Variants in NBAS observed in about 807,000 individuals in gnomAD.
NBAS encodes the protein NAG/BC035112 fusion.
In NBAS, 219 loss-of-function variants were observed where a neutral mutation model predicts 302.5. That is an observed-to-expected ratio of 0.72 (90% confidence interval 0.65 to 0.81). The LOEUF (loss-of-function observed/expected upper bound fraction) is 0.81. Ranked by LOEUF, NBAS falls within the 30% of genes least tolerant of loss-of-function variation. The pLI is 0.00. For missense variants in NBAS, 2,932 were observed against 2,841.6 expected, an observed-to-expected ratio of 1.03 and a Z score of -0.72; for synonymous variants, 1,118 against 1,021.6, an observed-to-expected ratio of 1.09 and a Z score of -1.80.
At chr2:15,185,460 T>A (rs982332351) in intron 50 of NBAS, among the ~76,000 whole-genome samples, 4 of 152,214 alleles carry the variant, frequency 2.6e-5, no homozygotes, top group Non-Finnish European at 5.9e-5. Flanking sequence ...GTGAATCTCA[T>A]GTTATTTACA....
At chr2:14,881,853 CTT>C in the NBAS span, among the ~76,000 whole-genome samples, 1 of 152,174 alleles carries the variant, frequency 6.6e-6, no homozygotes. Context: ...TTTGCCAACT[CTT>C]ATATCAGAGA....
the NBAS span, among the ~76,000 whole-genome samples, chr2:15,047,027 C>A: frequency 9.9e-5 from 15 of 152,272 alleles, 1 homozygote; most frequent in Middle Eastern, 6.8e-3. Context: ...AGTTTACACT[C>A]TAGGTTTCTG....
the NBAS span, among the ~76,000 whole-genome samples, chr2:14,789,905 C>A: frequency 6.6e-6 from 1 of 152,152 alleles, no homozygotes; most frequent in African/African-American, 2.4e-5. Context: ...AGAAACTGGA[C>A]CTAATGCGGG....
At chr2:15,113,367 T>C in the NBAS span, among the ~76,000 whole-genome samples, 2 of 67,986 alleles carry the variant, frequency 2.9e-5, no homozygotes, top group Admixed American at 1.9e-4. Flanking sequence ...GTGTGTATCC[T>C]AGCTCTATAC....
the NBAS span, among the ~76,000 whole-genome samples, chr2:15,027,189 T>C: frequency 7.9e-5 from 12 of 152,284 alleles, no homozygotes; most frequent in African/African-American, 2.6e-4. Context: ...TTTAGAGTGA[T>C]AGATAAGTGC....
At chr2:15,549,735 T>C (rs929385891) in intron 6 of NBAS, among the ~76,000 whole-genome samples, 1 of 151,638 alleles carries the variant, frequency 6.6e-6, no homozygotes, top group African/African-American at 2.4e-5. Context: ...CTCAAAAAAA[T>C]AAATAAATAA....
At chr2:15,129,671 T>C in the NBAS span, among the ~76,000 whole-genome samples, 2 of 152,198 alleles carry the variant, frequency 1.3e-5, no homozygotes, top group African/African-American at 4.8e-5. Flanking sequence ...AAACTCTTTT[T>C]TACCACCTGG....
the NBAS span, among the ~76,000 whole-genome samples, chr2:14,948,979 A>T: frequency 1.1e-4 from 17 of 152,290 alleles, no homozygotes; most frequent in African/African-American, 3.8e-4. Flanking sequence ...AGCACCAGAA[A>T]CATACAATGG....
chr2:15,290,590 G>A (rs1419880720), intron 41 of NBAS, among the ~76,000 whole-genome samples: 1 of 152,094 alleles, frequency 6.6e-6, no homozygotes, highest in East Asian at 1.9e-4. Flanking sequence ...ATTACCAAAC[G>A]TCCATAGCAA....
At chr2:15,415,993 A>G (rs1049112195) in intron 24 of NBAS, among the ~76,000 whole-genome samples, 1 of 152,146 alleles carries the variant, frequency 6.6e-6, no homozygotes, top group Non-Finnish European at 1.5e-5. Flanking sequence ...TGGGGTCCCA[A>G]GGAGCCTAAG....
chr2:15,198,166 T>C (rs994656112), intron 48 of NBAS, among the ~76,000 whole-genome samples: 25 of 152,192 alleles, frequency 1.6e-4, no homozygotes, highest in African/African-American at 5.8e-4. Context: ...GAAAAGGCCT[T>C]AGCTCTACAG....
chr2:15,552,953 C>T (rs777602019), intron 5 of NBAS, among the ~76,000 whole-genome samples: 6 of 152,038 alleles, frequency 3.9e-5, no homozygotes, highest in East Asian at 1.9e-4. Flanking sequence ...TACAGGTGTG[C>T]GCCACCATGC....
At chr2:14,994,025 T>C in the NBAS span, among the ~76,000 whole-genome samples, 1 of 152,112 alleles carries the variant, frequency 6.6e-6, no homozygotes, top group Non-Finnish European at 1.5e-5. Context: ...TTTTTAAAAA[T>C]TAGAATTTAT....
chr2:15,348,694 T>C (rs1044940309), intron 35 of NBAS, among the ~76,000 whole-genome samples: 1 of 151,168 alleles, frequency 6.6e-6, no homozygotes, highest in African/African-American at 2.4e-5. Flanking sequence ...ACTTCCTAAT[T>C]CATTTTAGGA....
the NBAS span, among the ~76,000 whole-genome samples, chr2:15,034,006 G>GAAC: frequency 3.7e-4 from 17 of 46,516 alleles, no homozygotes; most frequent in Non-Finnish European, 1.4e-4. Flanking sequence ...AGAAGAAGAA[G>GAAC]AAGAAGAAGA....
chr2:15,236,554 AAGAC>A (rs1667603157), intron 45 of NBAS, among the ~76,000 whole-genome samples: 1 of 149,710 alleles, frequency 6.7e-6, no homozygotes, highest in Admixed American at 6.6e-5. Context: ...AAAAAAAAAA[AAGAC>A]AATTCTTGTT....
chr2:15,212,810 C>T (rs1032879535), intron 48 of NBAS, among the ~76,000 whole-genome samples: 5 of 152,150 alleles, frequency 3.3e-5, no homozygotes, highest in African/African-American at 1.2e-4. Flanking sequence ...TGTTTGCTTC[C>T]CCTTCTGCCA....
the NBAS span, among the ~76,000 whole-genome samples, chr2:14,988,315 A>G: frequency 6.6e-6 from 1 of 152,210 alleles, no homozygotes; most frequent in Non-Finnish European, 1.5e-5. Context: ...TATCCATATA[A>G]TTTCATTTTA....
the NBAS span, among the ~76,000 whole-genome samples, chr2:14,957,923 C>A: frequency 6.6e-6 from 1 of 152,176 alleles, no homozygotes; most frequent in Non-Finnish European, 1.5e-5. Flanking sequence ...GTTTACTCAT[C>A]TAGTAAATGG....
Sources: gnomAD v4.1 joint callset for allele counts (sites outside exome capture counted in the v4.1 genomes callset) on GRCh38, gnomAD v4.1.1 for gene constraint, MANE v1.5 for transcripts, NCBI Gene and HGNC (gene_info 2026-07-23, HGNC 2026-07-21) for gene names.